Variants in UNC13C observed in about 807,000 individuals in gnomAD.
UNC13C encodes the protein protein unc-13 homolog C.
UNC13C carries 174 observed loss-of-function variants against 245.4 expected under a neutral mutation model. That is an observed-to-expected ratio of 0.71 (90% CI 0.63 to 0.80). The LOEUF is 0.80. Ranked by LOEUF, UNC13C falls within the 30% of genes least tolerant of loss-of-function variation. The pLI is 0.00. For synonymous variants in UNC13C, 992 were observed against 895.1 expected (o/e 1.11, Z -1.93); for missense variants, 2,829 against 2,602.9 (o/e 1.09, Z -1.89).
intron 30 of UNC13C, among the ~76,000 whole-genome samples, chr15:54,620,510 C>A (rs954365632): frequency 7.2e-5 from 11 of 152,128 alleles, no homozygotes; most frequent in African/African-American, 2.7e-4. Context: ...CAGGTTCATA[C>A]TGTATTAGTT....
chr15:54,612,388 T>G (rs560752814), intron 30 of UNC13C, among the ~76,000 whole-genome samples: 15 of 152,188 alleles, frequency 9.9e-5, no homozygotes, highest in Admixed American at 7.2e-4. Context: ...TTTATTTATT[T>G]ATATGACTTC....
rs753767318 is a variant in UNC13C at position 54,161,738 on chromosome 15, G to T, written c.3071+18054G>T. ...GGCCAGGGTGGGCATATTACCTGAG[G>T]TCAGGAGTTCCAGAACAGCCTGACC... is the stretch of plus-strand genomic sequence containing the variant. On this transcript the variant is annotated intron_variant, in intron 4 of 32. Coordinates refer to ENST00000260323, the MANE Select transcript of UNC13C (RefSeq NM_001080534.3). 3.1e-4 allele frequency among the ~76,000 whole-genome samples: 47 copies of T among 152,134 alleles called. 1 individual carries two copies. The highest frequency in any genetic ancestry group is 1.9e-3 in the East Asian group (10 of 5,162).
intron 24 of UNC13C, among the ~76,000 whole-genome samples, chr15:54,524,118 A>G (rs1433059975): frequency 6.6e-6 from 1 of 152,152 alleles, no homozygotes; most frequent in African/African-American, 2.4e-5. Flanking sequence ...GTACTATCTA[A>G]TTGTCTTTCT....
At chr15:54,219,715 A>AG in intron 4 of UNC13C, among the ~76,000 whole-genome samples, 1 of 152,054 alleles carries the variant, frequency 6.6e-6, no homozygotes, top group Non-Finnish European at 1.5e-5. Context: ...CAAAGGGCTA[A>AG]TATCCAGAAT....
In UNC13C at chr15:54,380,223, A is replaced by G. The variant is rs532344492; in HGVS notation, c.4714-12825A>G. On this transcript the variant is annotated intron_variant, in intron 17 of 32. Transcript: ENST00000260323. ...AGATCAACTTTTTTAGGTTCCATACATGAGCGTGATTTTTGTCTTTCTGTG... is the reference window on the plus strand; with the variant it reads ...AGATCAACTTTTTTAGGTTCCATACGTGAGCGTGATTTTTGTCTTTCTGTG... Among the ~76,000 whole-genome samples the G allele has an allele frequency of 2.0e-5, 3 of 151,904 alleles. No individual in the cohort carries two copies. The South Asian group carries it at 6.2e-4, about 32-fold the overall frequency.
chr15:54,111,449 A>C (rs147388599), intron 2 of UNC13C, among the ~76,000 whole-genome samples: 7 of 152,202 alleles, frequency 4.6e-5, no homozygotes, highest in Admixed American at 2.0e-4. Flanking sequence ...AGCAAATAAC[A>C]TCATAACTGT....
chr15:53,932,188 A>G, the UNC13C span, among the ~76,000 whole-genome samples: 1 of 152,076 alleles, frequency 6.6e-6, no homozygotes, highest in South Asian at 2.1e-4. Flanking sequence ...ACGTGCCTGT[A>G]GTCCCAGGTA....
At chr15:54,312,422 G>A (rs12904283) in intron 13 of UNC13C, among the ~76,000 whole-genome samples, 81,751 of 151,454 alleles carry the variant, frequency 0.54, 22,770 homozygotes, top group African/African-American at 0.68. Context: ...TAGACTGGGG[G>A]AAAATATTTT....
At chr15:53,861,061 C>T in the UNC13C span, among the ~76,000 whole-genome samples, 1 of 152,146 alleles carries the variant, frequency 6.6e-6, no homozygotes, top group Non-Finnish European at 1.5e-5. Flanking sequence ...AGATACTTTA[C>T]ATTATAGAAT....
At position 54,237,587 on chromosome 15, in the gene UNC13C, G is replaced by A. The variant is rs1222485146; in HGVS notation, c.3157-32G>A. 18 of 1,559,218 alleles carry A rather than the reference G, an allele frequency of 1.2e-5. 1 individual carries two copies. The highest frequency in any genetic ancestry group is 1.0e-4 in the South Asian group (9 of 87,082). On this transcript the variant is annotated intron_variant, in intron 6 of 32. Transcript: ENST00000260323. Reference sequence around the variant, plus strand: ...AGTATATGCACGTCAACCTCCCTATGTATTAATAAGTCATAATTCTGTTTG... The same window carrying A: ...AGTATATGCACGTCAACCTCCCTATATATTAATAAGTCATAATTCTGTTTG...
chr15:54,419,060 C>T (rs184428032), intron 19 of UNC13C, among the ~76,000 whole-genome samples: 168 of 152,238 alleles, frequency 1.1e-3, no homozygotes, highest in Admixed American at 4.2e-3. Flanking sequence ...ATCATGCTGA[C>T]TAAAATATTT....
At chr15:54,536,996 GAAAT>G (rs1177418302) in intron 26 of UNC13C, among the ~76,000 whole-genome samples, 1 of 151,998 alleles carries the variant, frequency 6.6e-6, no homozygotes, top group Non-Finnish European at 1.5e-5. Context: ...TCAGGCAAGA[GAAAT>G]AAATAAAAGG....
chr15:54,133,782 T>C (rs1330456609), intron 2 of UNC13C, among the ~76,000 whole-genome samples: 1 of 152,194 alleles, frequency 6.6e-6, no homozygotes, highest in African/African-American at 2.4e-5. Flanking sequence ...TCTATCTATA[T>C]ACACAATATC....
intron 30 of UNC13C, among the ~76,000 whole-genome samples, chr15:54,570,699 A>C (rs1897716068): frequency 6.6e-6 from 1 of 152,170 alleles, no homozygotes; most frequent in Non-Finnish European, 1.5e-5. Flanking sequence ...TGTGATGGGC[A>C]AGAGAGATCG....
chr15:53,893,270 C>A, the UNC13C span, among the ~76,000 whole-genome samples: 3 of 152,196 alleles, frequency 2.0e-5, no homozygotes, highest in Non-Finnish European at 4.4e-5. Context: ...CCAGAGCTCT[C>A]CTGTATGAGG....
chr15:54,255,956 G>A (rs1306247702), intron 8 of UNC13C, among the ~76,000 whole-genome samples: 1 of 152,204 alleles, frequency 6.6e-6, no homozygotes, highest in Non-Finnish European at 1.5e-5. Flanking sequence ...TTGGCTGCTG[G>A]AGAGAGACTA....
At chr15:53,988,299 A>G (rs1248641931) in intron 1 of UNC13C, among the ~76,000 whole-genome samples, 1 of 152,088 alleles carries the variant, frequency 6.6e-6, no homozygotes, top group Non-Finnish European at 1.5e-5. Context: ...TACAAAAAAT[A>G]GTTCTTACAT....
chr15:54,017,329 C>T (rs539894002), intron 2 of UNC13C, among the ~76,000 whole-genome samples: 1 of 152,068 alleles, frequency 6.6e-6, no homozygotes, highest in South Asian at 2.1e-4. Context: ...TAATATCTAT[C>T]TTATATTGGA....
chr15:54,077,376 C>CTTTTTTTTTTTTTTTTTTTTTTTTTT lies in UNC13C; in HGVS notation c.2983+61510_2983+61511insTTTTTTTTTTTTTTTTTTTTTTTTTT, dbSNP rs768240170. Among the ~76,000 whole-genome samples the CTTTTTTTTTTTTTTTTTTTTTTTTTT allele has an allele frequency of 5.3e-4, 33 of 62,720 alleles. 4 individuals are homozygous for CTTTTTTTTTTTTTTTTTTTTTTTTTT. The highest frequency in any genetic ancestry group is 3.0e-3 in the South Asian group (4 of 1,352). 41.1% of individuals were successfully genotyped at this position (62,720 alleles called of 152,430 possible). On this transcript the variant is annotated intron_variant, in intron 2 of 32. Coordinates refer to ENST00000260323, the MANE Select transcript of UNC13C (RefSeq NM_001080534.3). ...TTTTCCTTTTCTTTTCTTTTCTTTT[C>CTTTTTTTTTTTTTTTTTTTTTTTTTT]TTTTTTTTTTTTTTTTTTTTGAGAC...
Sources: allele counts gnomAD v4.1 joint callset (sites outside exome capture counted in the v4.1 genomes callset), GRCh38; gene constraint gnomAD v4.1.1; transcripts MANE v1.5; gene names NCBI Gene and HGNC (gene_info 2026-07-23, HGNC 2026-07-21).